Variants in DNM3 observed in about 807,000 individuals in gnomAD.
DNM3 encodes the protein dynamin-3.
A neutral mutation model predicts 101.6 loss-of-function variants in DNM3; 47 were observed. The observed-to-expected ratio is 0.46, with a 90% confidence interval of 0.37 to 0.59. The LOEUF is 0.59. DNM3 is among the 20% of genes least tolerant of loss of function. The probability of loss-of-function intolerance (pLI) is 0.00; values close to 1 mark genes in which losing one functional copy is unlikely to be tolerated. For synonymous variants in DNM3, 385 were observed against 387.9 expected (o/e 0.99, Z 0.09); for missense variants, 849 against 1,085.7 (o/e 0.78, Z 3.06).
intron 13 of DNM3, among the ~76,000 whole-genome samples, chr1:172,109,663 C>T (rs530364076): frequency 1.1e-4 from 17 of 152,302 alleles, no homozygotes; most frequent in South Asian, 4.1e-4. Context: ...AACTAGTTTA[C>T]GGGATTAACA....
At chr1:172,059,050 G>T (rs940901833) in intron 10 of DNM3, among the ~76,000 whole-genome samples, 15 of 152,066 alleles carry the variant, frequency 9.9e-5, no homozygotes, top group African/African-American at 3.4e-4. Flanking sequence ...ACTACCATCA[G>T]AGAATACTAC....
chr1:171,888,935 C>T (rs1214023822), intron 1 of DNM3, among the ~76,000 whole-genome samples: 2 of 152,068 alleles, frequency 1.3e-5, no homozygotes, highest in Non-Finnish European at 2.9e-5. Context: ...GAGGATGGTA[C>T]GTAAGAAGAA....
intron 1 of DNM3, among the ~76,000 whole-genome samples, chr1:171,920,814 A>T (rs988504788): frequency 1.3e-5 from 2 of 152,252 alleles, no homozygotes; most frequent in Non-Finnish European, 2.9e-5. Flanking sequence ...ACGTCCATTT[A>T]TCAGGAATAA....
chr1:172,321,125 T>C (rs1176210318), intron 16 of DNM3, among the ~76,000 whole-genome samples: 1 of 152,200 alleles, frequency 6.6e-6, no homozygotes, highest in Non-Finnish European at 1.5e-5. Flanking sequence ...AATGAAGTCC[T>C]TTTGAAACTT....
At chr1:172,041,973 C>A in intron 7 of DNM3, 36 bp from the exon 8 acceptor site, 2 of 1,548,122 alleles carry the variant, frequency 1.3e-6, no homozygotes, top group Non-Finnish European at 8.7e-7. Context: ...AGGCTTGTAA[C>A]TTTGACTTGA....
intron 16 of DNM3, among the ~76,000 whole-genome samples, chr1:172,317,158 A>G (rs1226710150): frequency 4.0e-5 from 6 of 151,618 alleles, no homozygotes; most frequent in African/African-American, 1.5e-4. Flanking sequence ...TAACGAAATG[A>G]AGGCAGAAAT....
chr1:172,304,245 T>A (rs1327541824), intron 15 of DNM3, among the ~76,000 whole-genome samples: 2 of 118,344 alleles, frequency 1.7e-5, no homozygotes, highest in Non-Finnish European at 3.4e-5. Flanking sequence ...TCCTAGTCTC[T>A]GATAAAACAG....
At chr1:171,864,714 C>CT (rs1339373626) in intron 1 of DNM3, 1 of 152,108 alleles carries the variant, frequency 6.6e-6, no homozygotes, top group African/African-American at 2.4e-5. Flanking sequence ...GTGTGGCTTG[C>CT]TTTTTTCAAT....
chr1:172,246,255 G>A (rs2061949863), intron 14 of DNM3, among the ~76,000 whole-genome samples: 1 of 152,132 alleles, frequency 6.6e-6, no homozygotes. Flanking sequence ...TTCCAGGGGT[G>A]TCTTAGAGGC....
At chr1:172,396,717 G>A (rs999755148) in intron 20 of DNM3, among the ~76,000 whole-genome samples, 2 of 152,100 alleles carry the variant, frequency 1.3e-5, no homozygotes, top group Non-Finnish European at 1.5e-5. Context: ...AATATTACCA[G>A]TATTTAGTTT....
intron 1 of DNM3, among the ~76,000 whole-genome samples, chr1:171,850,908 G>A (rs145377934): frequency 4.9e-4 from 75 of 152,238 alleles, no homozygotes; most frequent in African/African-American, 1.7e-3. Flanking sequence ...AGGGACATAC[G>A]AAGAGAAAAG....
intron 2 of DNM3, among the ~76,000 whole-genome samples, chr1:171,970,818 T>A (rs899562074): frequency 4.6e-5 from 7 of 151,408 alleles, no homozygotes; most frequent in African/African-American, 1.7e-4. Flanking sequence ...TTTTAAAATT[T>A]CTTCTTTCAG....
At chr1:171,901,735 TG>T (rs1023491192) in intron 1 of DNM3, among the ~76,000 whole-genome samples, 2 of 152,200 alleles carry the variant, frequency 1.3e-5, no homozygotes, top group Non-Finnish European at 2.9e-5. Flanking sequence ...CATCAAGAAA[TG>T]TTTAAATACT....
intron 20 of DNM3, among the ~76,000 whole-genome samples, chr1:172,400,445 A>T (rs1166530151): frequency 1.3e-5 from 2 of 152,016 alleles, no homozygotes; most frequent in African/African-American, 4.8e-5. Flanking sequence ...GCAGGAAAGG[A>T]GGGAAGGAGG....
chr1:171,961,592 A>T (rs1054767461), intron 2 of DNM3, among the ~76,000 whole-genome samples: 5 of 152,202 alleles, frequency 3.3e-5, no homozygotes, highest in African/African-American at 1.2e-4. Flanking sequence ...CAGCAATTCT[A>T]CTTCTGTGTA....
intron 15 of DNM3, among the ~76,000 whole-genome samples, chr1:172,276,557 A>ATATGTGTGTG (rs1553218156): frequency 1.4e-5 from 2 of 144,262 alleles, no homozygotes; most frequent in Non-Finnish European, 3.0e-5. Flanking sequence ...AAAAATCTTA[A>ATATGTGTGTG]TGTGTGTGTG....
At chr1:172,035,532 G>A (rs2048894712) in intron 6 of DNM3, among the ~76,000 whole-genome samples, 1 of 152,130 alleles carries the variant, frequency 6.6e-6, no homozygotes, top group South Asian at 2.1e-4. Flanking sequence ...CATCCAGAAT[G>A]GATAGCAGAA....
chr1:171,932,611 T>C (rs900119242), intron 2 of DNM3, among the ~76,000 whole-genome samples: 1 of 152,204 alleles, frequency 6.6e-6, no homozygotes, highest in African/African-American at 2.4e-5. Flanking sequence ...TTCTTTTAGT[T>C]TAGGTTATTT....
chr1:171,958,904 C>T (rs1031189597), intron 2 of DNM3, among the ~76,000 whole-genome samples: 2 of 152,178 alleles, frequency 1.3e-5, no homozygotes, highest in African/African-American at 4.8e-5. Context: ...AATTAATTCT[C>T]ATGGTTGAAT....
Sources: gnomAD v4.1 joint callset for allele counts (sites outside exome capture counted in the v4.1 genomes callset) on GRCh38, gnomAD v4.1.1 for gene constraint, MANE v1.5 for transcripts, NCBI Gene and HGNC (gene_info 2026-07-23, HGNC 2026-07-21) for gene names.